Variants in SPC25 observed in about 807,000 individuals in gnomAD.
The protein encoded by SPC25 is SPC25 component of NDC80 kinetochore complex.
In SPC25, 22 loss-of-function variants were observed where a neutral mutation model predicts 29.6. The observed-to-expected ratio is 0.74, with a 90% confidence interval of 0.53 to 1.06. The LOEUF (loss-of-function observed/expected upper bound fraction) is 1.06. SPC25 is among the 50% of genes least tolerant of loss of function. The probability of loss-of-function intolerance (pLI) is 0.00; values close to 1 mark genes in which losing one functional copy is unlikely to be tolerated. For missense variants in SPC25, 230 were observed against 255.8 expected (o/e 0.90, Z 0.69); for synonymous variants, 91 against 90.4 (o/e 1.01, Z -0.04).
chr2:168,864,777 G>A (rs1030656677), intron 4 of SPC25: 25 of 1,594,086 alleles, frequency 1.6e-5, no homozygotes, highest in African/African-American at 5.4e-5. Context: ...CTTATCAATC[G>A]GGCTGAGGCA....
At chr2:168,875,329 C>T (rs1027981959) in intron 5 of SPC25, among the ~76,000 whole-genome samples, 1 of 152,068 alleles carries the variant, frequency 6.6e-6, no homozygotes, top group African/African-American at 2.4e-5. Flanking sequence ...GCATTTAACA[C>T]CCTGATAAAC....
At chr2:168,888,531 G>A (rs879604233) in intron 3 of SPC25, among the ~76,000 whole-genome samples, 9 of 152,004 alleles carry the variant, frequency 5.9e-5, no homozygotes, top group Non-Finnish European at 1.2e-4. Flanking sequence ...CTCCAGCCTG[G>A]GCAACAGAGC....
At chr2:168,878,474 T>C (rs1460115254) in intron 3 of SPC25, among the ~76,000 whole-genome samples, 1 of 152,220 alleles carries the variant, frequency 6.6e-6, no homozygotes, top group Non-Finnish European at 1.5e-5. Context: ...TCATATATAT[T>C]TGGCATTTCC....
chr2:168,869,681 C>T (rs1689942096), downstream of SPC25, among the ~76,000 whole-genome samples: 2 of 152,092 alleles, frequency 1.3e-5, no homozygotes, highest in African/African-American at 4.8e-5. Context: ...AGGAGAACTA[C>T]AACCACTGCT....
At chr2:168,864,379 C>T (rs544570747) in intron 4 of SPC25, among the ~76,000 whole-genome samples, 8 of 151,010 alleles carry the variant, frequency 5.3e-5, no homozygotes, top group South Asian at 2.1e-4. Flanking sequence ...CTCTGCCTCC[C>T]GGGTTCAAGG....
At chr2:168,871,622 C>A in intron 6 of SPC25, 67 bp from the exon 7 acceptor site, 1 of 1,386,092 alleles carries the variant, frequency 7.2e-7, no homozygotes, top group Non-Finnish European at 9.7e-7. Context: ...AGAAGTATTT[C>A]TAATCTAGAT....
intron 3 of SPC25, among the ~76,000 whole-genome samples, chr2:168,883,596 A>G (rs1195992529): frequency 6.6e-6 from 1 of 152,178 alleles, no homozygotes; most frequent in Non-Finnish European, 1.5e-5. Flanking sequence ...AATGGGGATA[A>G]CATTGGCTAC....
intron 6 of SPC25, 38 bp downstream of exon 6, chr2:168,873,547 C>T (rs773571338): frequency 6.9e-7 from 1 of 1,439,154 alleles, no homozygotes; most frequent in Non-Finnish European, 9.8e-7. Context: ...TTTTGGAACG[C>T]CAATCTTAAA....
chr2:168,878,038 G>A (rs1032685928), intron 3 of SPC25, among the ~76,000 whole-genome samples: 1 of 152,128 alleles, frequency 6.6e-6, no homozygotes, highest in Non-Finnish European at 1.5e-5. Flanking sequence ...ACAGTGCTTT[G>A]AGGAAAAGCC....
At chr2:168,878,859 C>T (rs1007626508) in intron 3 of SPC25, among the ~76,000 whole-genome samples, 1 of 152,136 alleles carries the variant, frequency 6.6e-6, no homozygotes, top group Admixed American at 6.6e-5. Flanking sequence ...GGAGATATTG[C>T]AAGTTCTATT....
At chr2:168,886,027 A>T in intron 3 of SPC25, among the ~76,000 whole-genome samples, 1 of 150,384 alleles carries the variant, frequency 6.6e-6, no homozygotes, top group East Asian at 2.0e-4. Flanking sequence ...CATCTATTAC[A>T]TTATTCTAAC....
chr2:168,864,599 G>A (rs923434832), intron 4 of SPC25, among the ~76,000 whole-genome samples: 2 of 152,110 alleles, frequency 1.3e-5, no homozygotes, highest in East Asian at 3.9e-4. Flanking sequence ...CTGTCTTTAA[G>A]CAATTATTTT....
chr2:168,875,595 G>A (rs970589866), intron 5 of SPC25, among the ~76,000 whole-genome samples: 7 of 152,008 alleles, frequency 4.6e-5, no homozygotes, highest in Non-Finnish European at 1.0e-4. Context: ...ATCAGACCAC[G>A]GTTGAACATG....
At chr2:168,878,755 T>C (rs1690129008) in intron 3 of SPC25, among the ~76,000 whole-genome samples, 1 of 152,244 alleles carries the variant, frequency 6.6e-6, no homozygotes, top group African/African-American at 2.4e-5. Context: ...TTTATACTAA[T>C]ATTAATAGCT....
intron 4 of SPC25, among the ~76,000 whole-genome samples, chr2:168,863,145 A>ATACTT (rs1393064114): frequency 6.6e-5 from 10 of 152,186 alleles, no homozygotes; most frequent in Non-Finnish European, 1.5e-4. Context: ...AAGCCTACTT[A>ATACTT]TACTTTATAT....
At chr2:168,861,856 A>G in intron 4 of SPC25, 1 of 1,023,004 alleles carries the variant, frequency 9.8e-7, no homozygotes. Flanking sequence ...GAAAAATTTA[A>G]TATATTGAAA....
chr2:168,881,109 G>C (rs1690171675), intron 3 of SPC25, among the ~76,000 whole-genome samples: 1 of 152,164 alleles, frequency 6.6e-6, no homozygotes, highest in Non-Finnish European at 1.5e-5. Flanking sequence ...GTGCAATAAA[G>C]TGAAGTGCAA....
chr2:168,864,982 G>A (rs370163673), intron 4 of SPC25: 1 of 1,613,568 alleles, frequency 6.2e-7, no homozygotes, highest in Admixed American at 1.7e-5. Context: ...ACAAGACTCT[G>A]AACATACTAC....
chr2:168,868,931 G>C (rs947612742), downstream of SPC25, among the ~76,000 whole-genome samples: 19 of 152,294 alleles, frequency 1.2e-4, no homozygotes, highest in African/African-American at 3.1e-4. Context: ...CAATATCCTT[G>C]ATGAACATTG....
Sources: gnomAD v4.1 joint callset for allele counts (sites outside exome capture counted in the v4.1 genomes callset) on GRCh38, gnomAD v4.1.1 for gene constraint, MANE v1.5 for transcripts, NCBI Gene and HGNC (gene_info 2026-07-23, HGNC 2026-07-21) for gene names.